Variants in MYO1E observed in about 807,000 individuals in gnomAD.
MYO1E encodes myosin IE.
A neutral mutation model predicts 151.1 loss-of-function variants in MYO1E; 68 were observed. The observed-to-expected ratio is 0.45, with a 90% CI of 0.37 to 0.55. The LOEUF is 0.55. Ranked by LOEUF, MYO1E falls within the 20% of genes least tolerant of loss-of-function variation. MYO1E has a pLI of 0.00. For missense variants in MYO1E, 1,363 were observed against 1,389.3 expected, an observed-to-expected ratio of 0.98 and a Z score of 0.30; for synonymous variants, 601 against 501.7, an observed-to-expected ratio of 1.20 and a Z score of -2.64.
chr15:59,283,703 A>T (rs1393641779), intron 1 of MYO1E, among the ~76,000 whole-genome samples: 3 of 152,236 alleles, frequency 2.0e-5, no homozygotes, highest in African/African-American at 7.2e-5. Context: ...CGAGGCAGGA[A>T]ACTGAGTGAA....
intron 1 of MYO1E, among the ~76,000 whole-genome samples, chr15:59,326,691 A>G (rs1167948209): frequency 6.6e-6 from 1 of 152,036 alleles, no homozygotes; most frequent in African/African-American, 2.4e-5. Context: ...TTACCATTCC[A>G]TTTTTGTCTA....
At chr15:59,208,559 T>G (rs1264447633) in intron 14 of MYO1E, 122 bp downstream of exon 14, 5 of 1,237,100 alleles carry the variant, frequency 4.0e-6, no homozygotes, top group East Asian at 4.7e-5. Context: ...CTTTGATAGT[T>G]AATAAATTCC....
chr15:59,172,502 T>A (rs75238584), intron 21 of MYO1E, among the ~76,000 whole-genome samples: 1 of 152,290 alleles, frequency 6.6e-6, no homozygotes, highest in South Asian at 2.1e-4. Context: ...CCGGGCCCCA[T>A]GACAGTGAAA....
At chr15:59,143,173 A>G (rs2079421150) in intron 26 of MYO1E, among the ~76,000 whole-genome samples, 1 of 152,200 alleles carries the variant, frequency 6.6e-6, no homozygotes, top group Non-Finnish European at 1.5e-5. Context: ...TTTGGGGTCC[A>G]TAATTGTCCA....
chr15:59,167,294 C>A (rs1944853495), intron 22 of MYO1E, among the ~76,000 whole-genome samples: 1 of 152,174 alleles, frequency 6.6e-6, no homozygotes, highest in South Asian at 2.1e-4. Flanking sequence ...GACAGCCACA[C>A]AACTTTTGGT....
chr15:59,210,451 G>A, intron 13 of MYO1E, 63 bp downstream of exon 13: 1 of 1,157,184 alleles, frequency 8.6e-7, no homozygotes, highest in South Asian at 1.2e-5. Context: ...ATGACACAGA[G>A]AATAAAAACT....
intron 3 of MYO1E, among the ~76,000 whole-genome samples, chr15:59,256,660 G>A (rs548640357): frequency 1.3e-5 from 2 of 152,140 alleles, no homozygotes; most frequent in East Asian, 1.9e-4. Context: ...GATGTGCCCC[G>A]TGTCTTTAGA....
chr15:59,139,352 C>T (rs1232803442), intron 26 of MYO1E, among the ~76,000 whole-genome samples: 1 of 133,176 alleles, frequency 7.5e-6, no homozygotes, highest in Non-Finnish European at 1.6e-5. Context: ...TATTACTCCT[C>T]ACACTTACCT....
intron 18 of MYO1E, among the ~76,000 whole-genome samples, chr15:59,180,613 T>G (rs1485955431): frequency 6.6e-6 from 1 of 151,948 alleles, no homozygotes; most frequent in Non-Finnish European, 1.5e-5. Flanking sequence ...AGGCCTCCAG[T>G]GTTGAGGGTC....
chr15:59,149,738 T>A (rs1433796929), intron 26 of MYO1E, among the ~76,000 whole-genome samples: 1 of 152,104 alleles, frequency 6.6e-6, no homozygotes, highest in Non-Finnish European at 1.5e-5. Context: ...CACTGAGGGA[T>A]GAGAGAGAGG....
At chr15:59,372,173 G>A (rs1161020218) in intron 1 of MYO1E, among the ~76,000 whole-genome samples, 1 of 151,770 alleles carries the variant, frequency 6.6e-6, no homozygotes, top group South Asian at 2.1e-4. Context: ...GCAGGAGGAG[G>A]GGACCCCCTC....
intron 18 of MYO1E, among the ~76,000 whole-genome samples, chr15:59,182,483 G>A (rs556809639): frequency 3.3e-5 from 5 of 152,256 alleles, no homozygotes; most frequent in African/African-American, 7.2e-5. Context: ...AAAGTGCTGC[G>A]ATTATAGGCA....
chr15:59,345,863 T>C (rs1483933490), intron 1 of MYO1E, among the ~76,000 whole-genome samples: 1 of 152,218 alleles, frequency 6.6e-6, no homozygotes, highest in Non-Finnish European at 1.5e-5. Context: ...TGCTTTCACA[T>C]AAAACTTCCT....
chr15:59,272,700 A>T (rs1359602347), intron 1 of MYO1E, among the ~76,000 whole-genome samples: 2 of 152,188 alleles, frequency 1.3e-5, no homozygotes, highest in African/African-American at 4.8e-5. Context: ...CTCTTTTCTC[A>T]TTTGTAAAAT....
intron 1 of MYO1E, among the ~76,000 whole-genome samples, chr15:59,304,093 C>T (rs2080500691): frequency 6.6e-6 from 1 of 151,208 alleles, no homozygotes. Flanking sequence ...AGCGATTCTC[C>T]TGCGTTAGTC....
At chr15:59,308,478 C>A (rs1173126142) in intron 1 of MYO1E, among the ~76,000 whole-genome samples, 3 of 151,906 alleles carry the variant, frequency 2.0e-5, no homozygotes, top group African/African-American at 4.8e-5. Context: ...TCGAAACCAG[C>A]CTGGCCAACA....
At chr15:59,141,206 A>G (rs1171613022) in intron 26 of MYO1E, among the ~76,000 whole-genome samples, 2 of 152,080 alleles carry the variant, frequency 1.3e-5, no homozygotes, top group Non-Finnish European at 2.9e-5. Context: ...GGCAGTCCAC[A>G]GAACTGGGCT....
At position 59,195,641 on chromosome 15, in the gene MYO1E, A is replaced by G. The variant is rs561679045; in HGVS notation, c.1699-74T>C. On this transcript the variant is annotated intron_variant, in intron 16 of 27. Coordinates refer to ENST00000288235, the MANE Select transcript of MYO1E (RefSeq NM_004998.4). ...ACCAAATTTCAAAGGAGACTTGTAA[A>G]ACTCTCTTGTAGAAATACATAGCTA... 2.4e-5 allele frequency: 31 copies of G among 1,315,960 alleles called. No individual in the cohort carries two copies. In the Middle Eastern group the frequency reaches 5.4e-4, roughly 23 times the overall value. 81.5% of individuals were successfully genotyped at this position (1,315,960 alleles called of 1,614,324 possible).
In MYO1E at chr15:59,133,333, C is replaced by G. The variant is rs1216826649; in HGVS notation, c.*4047G>C. 6.6e-6 allele frequency: 1 copy of G among 152,148 alleles called. No individual in the cohort carries two copies. Among genetic ancestry groups the G allele is most frequent in the Admixed American group, 6.6e-5 (1 of 15,260 alleles). 9.4% of individuals were successfully genotyped at this position (152,148 alleles called of 1,614,324 possible). A position where few individuals can be genotyped will look rare whatever the true frequency, so the allele number is the denominator to read the frequency against. ...ACTGCAGTAAGGCATGATCGCACCA[C>G]TGTTCTCTAGTCTGGGTGACAAAGT... is the stretch of plus-strand genomic sequence containing the variant. On this transcript the variant is annotated 3_prime_UTR_variant, in exon 28 of 28. Coordinates refer to ENST00000288235, the MANE Select transcript of MYO1E (RefSeq NM_004998.4).
Sources: gnomAD v4.1 joint callset for allele counts (sites outside exome capture counted in the v4.1 genomes callset) on GRCh38, gnomAD v4.1.1 for gene constraint, MANE v1.5 for transcripts, NCBI Gene and HGNC (gene_info 2026-07-23, HGNC 2026-07-21) for gene names.